Variants in WDFY2 observed in about 807,000 individuals in gnomAD.
WDFY2 encodes WD repeat and FYVE domain containing 2, also known as WD repeat and FYVE domain-containing protein 2.
A neutral mutation model predicts 56.4 loss-of-function variants in WDFY2; 36 were observed. The observed-to-expected ratio is 0.64, with a 90% confidence interval of 0.49 to 0.84. WDFY2 has a LOEUF of 0.84. WDFY2 is among the 40% of genes least tolerant of loss of function. The pLI is 0.00. For synonymous variants in WDFY2, 176 were observed against 183.7 expected (o/e 0.96, Z 0.34); for missense variants, 444 against 512.2 (o/e 0.87, Z 1.29).
chr13:51,691,739 C>T (rs1355361232), intron 3 of WDFY2, among the ~76,000 whole-genome samples: 1 of 151,962 alleles, frequency 6.6e-6, no homozygotes, highest in Non-Finnish European at 1.5e-5. Context: ...TGAAGAAAGT[C>T]ATTGGTAGCT....
chr13:51,627,402 CTT>C (rs774329502), intron 1 of WDFY2, among the ~76,000 whole-genome samples: 1 of 151,998 alleles, frequency 6.6e-6, no homozygotes, highest in East Asian at 1.9e-4. Flanking sequence ...GAGTCTTGCT[CTT>C]GTCACCCAGG....
intron 1 of WDFY2, among the ~76,000 whole-genome samples, chr13:51,622,205 A>T (rs1447526055): frequency 1.3e-5 from 2 of 152,190 alleles, no homozygotes; most frequent in Non-Finnish European, 2.9e-5. Context: ...GCTTTGCAAT[A>T]TTTGTATTCC....
intron 5 of WDFY2, among the ~76,000 whole-genome samples, chr13:51,724,081 C>G (rs552663080): frequency 3.3e-5 from 5 of 151,400 alleles, no homozygotes; most frequent in African/African-American, 1.2e-4. Context: ...TTTTTGAGCA[C>G]TATTATGAAA....
chr13:51,675,490 C>T (rs966267672), intron 3 of WDFY2, among the ~76,000 whole-genome samples: 2 of 152,110 alleles, frequency 1.3e-5, no homozygotes, highest in African/African-American at 2.4e-5. Flanking sequence ...TGGGGGCAAT[C>T]GGAGGCCAAT....
intron 1 of WDFY2, chr13:51,588,272 T>G (rs17531150): frequency 1.3e-5 from 2 of 152,238 alleles, no homozygotes; most frequent in African/African-American, 4.8e-5. Flanking sequence ...TCAAGACTTA[T>G]GTTTAGTCAG....
chr13:51,726,185 C>T, intron 5 of WDFY2, among the ~76,000 whole-genome samples: 1 of 152,216 alleles, frequency 6.6e-6, no homozygotes, highest in East Asian at 1.9e-4. Context: ...CTGTTTCTTA[C>T]ACAAAGGTAG....
intron 7 of WDFY2, among the ~76,000 whole-genome samples, chr13:51,744,503 A>G (rs111454398): frequency 1.0e-3 from 154 of 152,344 alleles, no homozygotes; most frequent in Admixed American, 3.2e-3. Flanking sequence ...TGCTGCCACC[A>G]TCTTGTAATT....
At chr13:51,651,984 A>G (rs1955398352) in intron 1 of WDFY2, among the ~76,000 whole-genome samples, 1 of 152,120 alleles carries the variant, frequency 6.6e-6, no homozygotes, top group African/African-American at 2.4e-5. Context: ...TGATCTGTCT[A>G]ATGTTGACAG....
intron 4 of WDFY2, among the ~76,000 whole-genome samples, chr13:51,717,629 A>G (rs1952386764): frequency 6.6e-6 from 1 of 152,124 alleles, no homozygotes; most frequent in African/African-American, 2.4e-5. Flanking sequence ...CTCATTAGAG[A>G]GTTCACTTTT....
At chr13:51,650,546 G>A (rs1175641760) in intron 1 of WDFY2, among the ~76,000 whole-genome samples, 1 of 152,036 alleles carries the variant, frequency 6.6e-6, no homozygotes, top group Non-Finnish European at 1.5e-5. Flanking sequence ...TATTGGCTGT[G>A]GGTTTGTCAT....
rs529941138 is a variant in WDFY2 at position 51,623,222 on chromosome 13, T to TA, written c.138-37363dup. 2.3e-3 allele frequency among the ~76,000 whole-genome samples: 332 copies of TA among 145,842 alleles called. 1 individual carries two copies. Among genetic ancestry groups the TA allele is most frequent in the African/African-American group, 6.9e-3 (277 of 39,928 alleles). On this transcript the variant is annotated intron_variant, in intron 1 of 11. Coordinates refer to ENST00000298125, the MANE Select transcript of WDFY2 (RefSeq NM_052950.4). Reference sequence around the variant, plus strand: ...TGTTTTTTTTAAAGCGTAATTTTTCTAAAAAAAAAAATGAAGGTAGGTGCT... The same window carrying TA: ...TGTTTTTTTTAAAGCGTAATTTTTCTAAAAAAAAAAAATGAAGGTAGGTGCT...
chr13:51,668,038 T>C (rs1454085694), intron 2 of WDFY2, among the ~76,000 whole-genome samples: 1 of 151,656 alleles, frequency 6.6e-6, no homozygotes, highest in Admixed American at 6.6e-5. Context: ...ACTACAGGCG[T>C]CCGCCACTGC....
At chr13:51,737,486 G>A (rs1215229856) in intron 6 of WDFY2, among the ~76,000 whole-genome samples, 2 of 144,756 alleles carry the variant, frequency 1.4e-5, no homozygotes, top group Non-Finnish European at 3.0e-5. Context: ...TGATCCCGTG[G>A]TGAACAAGCC....
intron 4 of WDFY2, among the ~76,000 whole-genome samples, chr13:51,713,600 T>C (rs1952274013): frequency 6.6e-6 from 1 of 152,048 alleles, no homozygotes; most frequent in African/African-American, 2.4e-5. Flanking sequence ...AGGCCAGGCG[T>C]AGTGGCTCAC....
intron 6 of WDFY2, among the ~76,000 whole-genome samples, chr13:51,732,292 G>A (rs1329079666): frequency 4.6e-5 from 7 of 151,932 alleles, no homozygotes; most frequent in African/African-American, 9.7e-5. Flanking sequence ...CACCATGGCC[G>A]ACTAATTTTT....
chr13:51,644,290 T>G (rs1211963585), intron 1 of WDFY2, among the ~76,000 whole-genome samples: 2 of 152,186 alleles, frequency 1.3e-5, no homozygotes, highest in Non-Finnish European at 2.9e-5. Flanking sequence ...ATTAAGACCT[T>G]GTGGCTCATC....
rs904349624 is a variant in WDFY2, at chr13:51,625,847, A to G, written c.138-34749A>G. On this transcript the variant is annotated intron_variant, in intron 1 of 11. Transcript: ENST00000298125. The stretch of plus-strand genomic sequence containing the variant: ...AAGGAAGCTGATATCAATGGAGGGA[A>G]TTTTTCATCTGATGCAGCATTTCAT... Among the ~76,000 whole-genome samples, 20 of 152,272 alleles carry G rather than the reference A, an allele frequency of 1.3e-4. No homozygotes were observed. The South Asian group carries it at 4.1e-3, about 32-fold the overall frequency.
chr13:51,660,629 A>T lies in WDFY2; in HGVS notation c.171A>T (p.Gly57=). 6.2e-7 allele frequency: 1 copy of T among 1,614,042 alleles called. No homozygotes were observed. Among genetic ancestry groups the T allele is most frequent in the Non-Finnish European group, 8.5e-7 (1 of 1,179,930 alleles). Residue 57 remains glycine (G), a synonymous_variant, in exon 2 of 12, where the codon GGA becomes GGT. Coordinates refer to ENST00000298125, the MANE Select transcript of WDFY2 (RefSeq NM_052950.4). The stretch of plus-strand genomic sequence containing the variant: ...GTGTTTGGTTAAAGAGAGACAGTGG[A>T]CAGTATTGGCCAAGCGTATACCATG... ...TVRVWLKRDS[G]QYWPSVYHAM...
At chr13:51,678,741 T>C (rs1305304204) in intron 3 of WDFY2, among the ~76,000 whole-genome samples, 1 of 152,146 alleles carries the variant, frequency 6.6e-6, no homozygotes, top group Admixed American at 6.5e-5. Flanking sequence ...ACTTTATAAT[T>C]CAGTTAGGGA....
Sources: allele counts gnomAD v4.1 joint callset (sites outside exome capture counted in the v4.1 genomes callset), GRCh38; gene constraint gnomAD v4.1.1; transcripts MANE v1.5; gene names NCBI Gene and HGNC (gene_info 2026-07-23, HGNC 2026-07-21).